PTGDR2: variants seen among roughly 807,000 people sequenced by gnomAD.
PTGDR2 encodes the protein G-protein coupled receptor 44.
For synonymous variants in PTGDR2, 276 were observed against 278.4 expected (o/e 0.99, Z 0.09); for missense variants, 544 against 576.6 (o/e 0.94, Z 0.58).
rs1855299135 is a variant in PTGDR2 at position 60,852,985 on chromosome 11, G to C, written c.738C>G (p.Arg246=). 1.4e-6 allele frequency: 2 copies of C among 1,406,182 alleles called. 1 individual carries two copies. Among genetic ancestry groups the C allele is most frequent in the Middle Eastern group, 4.6e-4 (2 of 4,376 alleles). The allele number at this position is 1,406,182 out of a possible 1,614,324, so 87.1% of individuals were successfully genotyped here. A position where few individuals can be genotyped will look rare whatever the true frequency, so the allele number is the denominator to read the frequency against. The change falls in exon 2 of 2, where the codon CGC becomes CGG. Residue 246 remains arginine, a synonymous_variant. Transcript: ENST00000332539. The part of the protein sequence containing the change: ...RGRRRPGRFV[R]LVAAVVAAFA... ...AGGCGGCCACGACGGCCGCCACCAGGCGCACGAAGCGGCCTGGCCGCCGGC... is the reference window on the plus strand; with the variant it reads ...AGGCGGCCACGACGGCCGCCACCAGCCGCACGAAGCGGCCTGGCCGCCGGC...
In PTGDR2 at chr11:60,852,763, G is replaced by T; in HGVS notation, c.960C>A (p.Arg320=). ...DMLRKLRRSL[R]TVLESVLVDD... The stretch of plus-strand genomic sequence containing the variant: ...CCACCAGCACGCTCTCCAGCACCGT[G>T]CGCAGCGAGCGCCGCAGCTTGCGCA... Residue 320 remains arginine (R), a synonymous_variant, in exon 2 of 2, where the codon CGC becomes CGA. Transcript: ENST00000332539. The T allele has an allele frequency of 1.3e-6, 2 of 1,541,480 alleles. No individual in the cohort carries two copies.
chr11:60,855,527 G>A (rs995438048), intron 1 of PTGDR2, among the ~76,000 whole-genome samples: 14 of 151,116 alleles, frequency 9.3e-5, no homozygotes, highest in African/African-American at 3.4e-4. Flanking sequence ...AGTGCAAGCT[G>A]TGGGAGTCCA....
Position 60,852,436 on chromosome 11 carries a change from C to T in PTGDR2, c.*99G>A. The T allele has an allele frequency of 1.8e-6, 2 of 1,085,634 alleles. No individual in the cohort carries two copies. Among genetic ancestry groups the T allele is most frequent in the Non-Finnish European group, 2.3e-6 (2 of 854,782 alleles). 67.3% of individuals were successfully genotyped at this position (1,085,634 alleles called of 1,614,324 possible). ...ATGCAGGTGCCTGGGTCCCGCCCCT[C>T]GGACTTTGATCACTGCGGCAGGAGT... On this transcript the variant is annotated 3_prime_UTR_variant, in exon 2 of 2. Transcript: ENST00000332539.
Position 60,855,490 on chromosome 11 carries a change from GAA to G in PTGDR2, c.-10+377_-10+378del, listed in dbSNP as rs34051850. On this transcript the variant is annotated intron_variant, in intron 1 of 1. Transcript: ENST00000332539. ...CTAAGGTCCGGCTTTGGCAGGTTAA[GAA>G]AAAAAAAAAAAAAAAGGGACAGAGA... 5.9e-3 allele frequency among the ~76,000 whole-genome samples: 741 copies of G among 125,434 alleles called. 5 individuals carry two copies. Among genetic ancestry groups the G allele is most frequent in the South Asian group, 0.02 (81 of 4,022 alleles). The allele number at this position is 125,434 out of a possible 152,430, so 82.3% of individuals were successfully genotyped here. A position where few individuals can be genotyped will look rare whatever the true frequency, so the allele number is the denominator to read the frequency against.
In PTGDR2 at chr11:60,852,855, T is replaced by A; in HGVS notation, c.868A>T (p.Thr290Ser). The A allele has an allele frequency of 6.4e-7, 1 of 1,551,690 alleles. No individual in the cohort carries two copies. The change falls in exon 2 of 2, where the codon ACC (threonine) becomes TCC (serine). Residue 290 changes from threonine to serine, a missense_variant. Physicochemically the swap from Thr to Ser is moderately conservative, Grantham distance 58 (BLOSUM62 1). Transcript: ENST00000332539. ...ACGCTGTTGAAGAAGGCCAGGCTGG[T>A]GACGAAGGGCAGCCCGCGCCACACG... is the stretch of plus-strand genomic sequence containing the variant. ...PLVWRGLPFV[T>S]SLAFFNSVAN...
At chr11:60,854,444 C>T (rs1276428509) in intron 1 of PTGDR2, among the ~76,000 whole-genome samples, 1 of 152,230 alleles carries the variant, frequency 6.6e-6, no homozygotes, top group Non-Finnish European at 1.5e-5. Context: ...AGATCTCTCC[C>T]TTCTCAGGAG....
chr11:60,852,910 C>A lies in PTGDR2; in HGVS notation c.813G>T (p.Arg271=), dbSNP rs1172073675. The A allele has an allele frequency of 6.6e-6, 10 of 1,515,810 alleles. No homozygotes were observed. Among genetic ancestry groups the A allele is most frequent in the Non-Finnish European group, 8.0e-6 (9 of 1,129,370 alleles). 93.9% of individuals were successfully genotyped at this position (1,515,810 alleles called of 1,614,324 possible). Residue 271 remains arginine (R), a synonymous_variant, in exon 2 of 2, where the codon CGG becomes CGT. Transcript: ENST00000332539. The stretch of plus-strand genomic sequence containing the variant: ...GCCGCAGCCCCGGGTTTGCGTGCGC[C>A]CGCGCCTCCAGCAGGCTGAACACGT... ...PYHVFSLLEA[R]AHANPGLRPL...
chr11:60,852,770 G>T lies in PTGDR2; in HGVS notation c.953C>A (p.Ser318Ter). ...CACGCTCTCCAGCACCGTGCGCAGC[G>T]AGCGCCGCAGCTTGCGCAGCATGTC... is the stretch of plus-strand genomic sequence containing the variant. ...CPDMLRKLRR[S>*]LRTVLESVLV... is the part of the protein sequence containing the mutation. The change falls in exon 2 of 2, where the codon TCG becomes TAG. Residue 318 changes from serine (S) to a stop codon, truncating the protein, a stop_gained. Transcript: ENST00000332539. LOFTEE classifies it low-confidence loss of function (END_TRUNC). 6.5e-7 allele frequency: 1 copy of T among 1,544,794 alleles called. No individual in the cohort carries two copies.
chr11:60,855,259 G>A (rs1371907950), intron 1 of PTGDR2, among the ~76,000 whole-genome samples: 1 of 152,052 alleles, frequency 6.6e-6, no homozygotes, highest in African/African-American at 2.4e-5. Context: ...GCAACAGTGG[G>A]GCTGGGACTT....
chr11:60,853,316 G>T lies in PTGDR2; in HGVS notation c.407C>A (p.Pro136Gln). Reference sequence around the variant, plus strand: ...GGTGCGGTGGTTCTGCGCCCACACCGGCCGCACCACCTGCAGGCAGCGGTC... The same window carrying T: ...GGTGCGGTGGTTCTGCGCCCACACCTGCCGCACCACCTGCAGGCAGCGGTC... Reference protein sequence around the residue: ...SLDRCLQVVRPVWAQNHRTVA... With the variant: ...SLDRCLQVVRQVWAQNHRTVA... The change falls in exon 2 of 2, where the codon CCG becomes CAG. Residue 136 changes from proline (P) to glutamine (Q), a missense_variant. Transcript: ENST00000332539. The T allele has an allele frequency of 6.2e-7, 1 of 1,611,022 alleles. No individual in the cohort carries two copies. Among genetic ancestry groups the T allele is most frequent in the South Asian group, 1.1e-5 (1 of 90,662 alleles).
rs1590577601 is a variant in PTGDR2 at position 60,852,363 on chromosome 11, A to G, written c.*172T>C. ...ATCAAGGTTTGAGAAGCACTGCTTT[A>G]ACTCACTGTTTCTGAAAAAGATTCA... On this transcript the variant is annotated 3_prime_UTR_variant, in exon 2 of 2. Transcript: ENST00000332539. 1 of 483,922 alleles carries G rather than the reference A, an allele frequency of 2.1e-6. No homozygotes were observed. The highest frequency in any genetic ancestry group is 4.4e-5 in the Admixed American group (1 of 22,702). The allele number at this position is 483,922 out of a possible 1,614,324, so 30.0% of individuals were successfully genotyped here. A position where few individuals can be genotyped will look rare whatever the true frequency, so the allele number is the denominator to read the frequency against.
chr11:60,854,263 A>G (rs1449369771), intron 1 of PTGDR2, among the ~76,000 whole-genome samples: 1 of 152,164 alleles, frequency 6.6e-6, no homozygotes. Flanking sequence ...TTGCCTCTCT[A>G]CAGATCCTCC....
In PTGDR2 at chr11:60,853,590, G is replaced by C; in HGVS notation, c.133C>G (p.Leu45Val). Residue 45 changes from leucine (L) to valine (V), a missense_variant, in exon 2 of 2, where the codon CTG becomes GTG. Physicochemically the swap from Leu to Val is conservative, Grantham distance 32. Transcript: ENST00000332539. ...AVLLHGLASL[L>V]GLVENGVILF... ...ATGACTCCATTCTCCACCAGGCCCA[G>C]CAGCGAGGCCAGCCCGTGCAGCAGC... is the stretch of plus-strand genomic sequence containing the variant. 1 of 1,555,960 alleles carries C rather than the reference G, an allele frequency of 6.4e-7. No homozygotes were observed.
chr11:60,852,814 G>GAGCA lies in PTGDR2; in HGVS notation c.905_908dup (p.Tyr304AlafsTer124). 1 of 1,560,684 alleles carries GAGCA rather than the reference G, an allele frequency of 6.4e-7. No individual in the cohort carries two copies. Among genetic ancestry groups the GAGCA allele is most frequent in the Non-Finnish European group, 8.7e-7 (1 of 1,153,748 alleles). On this transcript the variant is annotated frameshift_variant, in exon 2 of 2. Coordinates refer to ENST00000332539, the MANE Select transcript of PTGDR2 (RefSeq NM_004778.3). LOFTEE classifies it low-confidence loss of function (END_TRUNC). Reference sequence around the variant, plus strand: ...GCATGTCGGGGCAGGTGAGCACGTAGAGCACCGGGTTGGCCACGCTGTTGA... The same window carrying GAGCA: ...GCATGTCGGGGCAGGTGAGCACGTAGAGCAAGCACCGGGTTGGCCACGCTGTTGA...
At chr11:60,854,231 G>T (rs899495015) in intron 1 of PTGDR2, among the ~76,000 whole-genome samples, 2 of 152,240 alleles carry the variant, frequency 1.3e-5, no homozygotes, top group Non-Finnish European at 2.9e-5. Context: ...CCTTCCCACA[G>T]CATCCACAGC....
intron 1 of PTGDR2, among the ~76,000 whole-genome samples, chr11:60,854,146 G>A (rs1306863436): frequency 6.6e-6 from 1 of 152,198 alleles, no homozygotes; most frequent in Non-Finnish European, 1.5e-5. Context: ...CCCATCCCCA[G>A]AGCACTGGCG....
Position 60,851,838 on chromosome 11 carries a change from G to A in PTGDR2, c.*697C>T, listed in dbSNP as rs2134806589. 6.6e-6 allele frequency: 1 copy of A among 152,362 alleles called. No homozygotes were observed. The highest frequency in any genetic ancestry group is 1.5e-5 in the Non-Finnish European group (1 of 68,056). 9.4% of individuals were successfully genotyped at this position (152,362 alleles called of 1,614,324 possible). On this transcript the variant is annotated 3_prime_UTR_variant, in exon 2 of 2. Coordinates refer to ENST00000332539, the MANE Select transcript of PTGDR2 (RefSeq NM_004778.3). Reference sequence around the variant, plus strand: ...CGCTCACCAGAGAGTCATTGAGCATGTGATGCCTAGGGTTAGAGTGCAGAC... The same window carrying A: ...CGCTCACCAGAGAGTCATTGAGCATATGATGCCTAGGGTTAGAGTGCAGAC...
rs754138332 is a variant in PTGDR2, at chr11:60,853,260, G to T, written c.463C>A (p.Leu155Ile). The T allele has an allele frequency of 1.2e-6, 2 of 1,612,992 alleles. No homozygotes were observed. The highest frequency in any genetic ancestry group is 1.7e-6 in the Non-Finnish European group (2 of 1,179,712). ...VAAAHKVCLV[L>I]WALAVLNTVP... Reference sequence around the variant, plus strand: ...GTGTTGAGCACCGCTAGTGCCCAAAGCACCAGGCAGACTTTGTGCGCCGCG... The same window carrying T: ...GTGTTGAGCACCGCTAGTGCCCAAATCACCAGGCAGACTTTGTGCGCCGCG... The change falls in exon 2 of 2, where the codon CTT becomes ATT. Residue 155 changes from leucine to isoleucine, a missense_variant. By Grantham distance (5) the Leu-to-Ile change is conservative. Coordinates refer to ENST00000332539, the MANE Select transcript of PTGDR2 (RefSeq NM_004778.3).
Position 60,853,547 on chromosome 11 carries a change from C to T in PTGDR2, c.176G>A (p.Cys59Tyr), listed in dbSNP as rs1191130297. 2 of 1,556,062 alleles carry T rather than the reference C, an allele frequency of 1.3e-6. No homozygotes were observed. The highest frequency in any genetic ancestry group is 1.7e-6 in the Non-Finnish European group (2 of 1,149,502). ...GGTGACCACGGTCTGGCGCATGCGG[C>T]AGCCCACCACGAAGAGGATGACTCC... ...ENGVILFVVG[C>Y]RMRQTVVTTW... The change falls in exon 2 of 2, where the codon TGC (cysteine) becomes TAC (tyrosine). Residue 59 changes from cysteine to tyrosine, a missense_variant. By Grantham distance (194) the Cys-to-Tyr change is radical. Transcript: ENST00000332539.
Sources: gnomAD v4.1 joint callset for allele counts (sites outside exome capture counted in the v4.1 genomes callset) on GRCh38, gnomAD v4.1.1 for gene constraint, MANE v1.5 for transcripts, NCBI Gene and HGNC (gene_info 2026-07-23, HGNC 2026-07-21) for gene names.